The following HDAC4 variants were observed in gnomAD, a reference collection of about 807,000 sequenced individuals.
HDAC4 encodes histone deacetylase A.
In HDAC4, 16 loss-of-function variants were observed where a neutral mutation model predicts 135.1. The observed-to-expected ratio is 0.12, with a 90% CI of 0.08 to 0.18. HDAC4 has a LOEUF of 0.18. Among genes scored for constraint, HDAC4 ranks in the 10% least tolerant of loss-of-function variants. The pLI is 1.00. For missense variants in HDAC4, 1,143 were observed against 1,511.8 expected, an observed-to-expected ratio of 0.76 and a Z score of 4.05; for synonymous variants, 685 against 653.4, an observed-to-expected ratio of 1.05 and a Z score of -0.74.
intron 3 of HDAC4, among the ~76,000 whole-genome samples, chr2:239,219,824 G>A (rs1399119163): frequency 6.6e-6 from 1 of 152,082 alleles, no homozygotes; most frequent in Non-Finnish European, 1.5e-5. Flanking sequence ...AATCTACAAA[G>A]ATGACGGAAC....
chr2:239,235,444 GCTGA>G (rs1385058057), intron 3 of HDAC4, among the ~76,000 whole-genome samples: 2 of 152,234 alleles, frequency 1.3e-5, no homozygotes, highest in Non-Finnish European at 2.9e-5. Flanking sequence ...GGCAGCAAAG[GCTGA>G]CTGTCAAGGA....
At chr2:239,401,293 G>A (rs1696980158), upstream of HDAC4, 1 of 152,292 alleles carries the variant, frequency 6.6e-6, no homozygotes, top group African/African-American at 2.4e-5. Flanking sequence ...CAACCGCGGG[G>A]CCGGATGCCC....
chr2:239,078,202 G>A (rs2034957060), intron 22 of HDAC4, among the ~76,000 whole-genome samples: 1 of 152,206 alleles, frequency 6.6e-6, no homozygotes, highest in Admixed American at 6.5e-5. Flanking sequence ...GCCGCGTCTG[G>A]CACCGGGACT....
intron 16 of HDAC4, among the ~76,000 whole-genome samples, chr2:239,102,377 T>C (rs759641956): frequency 6.6e-6 from 1 of 152,220 alleles, no homozygotes; most frequent in African/African-American, 2.4e-5. Flanking sequence ...CAGCAGCCTT[T>C]CACCCCTAAG....
chr2:239,101,400 G>A (rs2037617710), intron 16 of HDAC4, among the ~76,000 whole-genome samples: 1 of 152,190 alleles, frequency 6.6e-6, no homozygotes, highest in Non-Finnish European at 1.5e-5. Context: ...ACGCATGAAG[G>A]ACTAGGAGTG....
At chr2:239,325,409 G>C (rs1172289994) in intron 2 of HDAC4, among the ~76,000 whole-genome samples, 1 of 152,138 alleles carries the variant, frequency 6.6e-6, no homozygotes, top group Non-Finnish European at 1.5e-5. Context: ...ATGGGCAAAA[G>C]ACGTGAAGAG....
intron 2 of HDAC4, among the ~76,000 whole-genome samples, chr2:239,253,277 C>A (rs1691872597): frequency 6.6e-6 from 1 of 152,176 alleles, no homozygotes; most frequent in African/African-American, 2.4e-5. Flanking sequence ...TAATCTAAAG[C>A]AAATTTCTTT....
At chr2:239,168,907 C>T (rs547550680) in intron 5 of HDAC4, among the ~76,000 whole-genome samples, 3 of 152,188 alleles carry the variant, frequency 2.0e-5, no homozygotes, top group African/African-American at 4.8e-5. Context: ...GGGACGGCCG[C>T]CTGTGACGGG....
intron 3 of HDAC4, among the ~76,000 whole-genome samples, chr2:239,196,141 C>T (rs1214468225): frequency 6.6e-6 from 1 of 151,640 alleles, no homozygotes; most frequent in East Asian, 1.9e-4. Flanking sequence ...TGATATTTTG[C>T]CTCTATGTGG....
rs1206000330 is a variant in HDAC4, at chr2:239,048,364, AAAAG to A, written c.*4729_*4732del. On this transcript the variant is annotated 3_prime_UTR_variant, in exon 27 of 27. Coordinates refer to ENST00000543185, the MANE Select transcript of HDAC4 (RefSeq NM_001378414.1). ...CACAAAACCTCCAACTCCACTGAGC[AAAAG>A]AAAGAACCATCGGGCACGTCCAGAC... 6.6e-6 allele frequency: 1 copy of A among 152,302 alleles called. No individual in the cohort carries two copies. The highest frequency in any genetic ancestry group is 1.5e-5 in the Non-Finnish European group (1 of 68,070). 9.4% of individuals were successfully genotyped at this position (152,302 alleles called of 1,614,324 possible). A position where few individuals can be genotyped will look rare whatever the true frequency, so the allele number is the denominator to read the frequency against.
chr2:239,138,647 G>A lies in HDAC4; in HGVS notation c.978+1037C>T, dbSNP rs149520216. On this transcript the variant is annotated intron_variant, in intron 9 of 26. Coordinates refer to ENST00000543185, the MANE Select transcript of HDAC4 (RefSeq NM_001378414.1). ...GCAGTCAGGCCCACCCAGGCCCAGG[G>A]CACCACTCAGCCTGCGGGACTGCCT... Among the ~76,000 whole-genome samples, 424 of 152,234 alleles carry A rather than the reference G, an allele frequency of 2.8e-3. 1 individual carries two copies. The highest frequency in any genetic ancestry group is 9.6e-3 in the African/African-American group (397 of 41,536).
intron 14 of HDAC4, 92 bp downstream of exon 14, chr2:239,111,434 G>T: frequency 7.6e-7 from 1 of 1,320,966 alleles, no homozygotes; most frequent in Non-Finnish European, 1.1e-6. Flanking sequence ...CCCCTCCTCA[G>T]CCTCTGCAGA....
chr2:239,189,560 A>C (rs2044770323), intron 4 of HDAC4, among the ~76,000 whole-genome samples: 1 of 152,238 alleles, frequency 6.6e-6, no homozygotes, highest in South Asian at 2.1e-4. Flanking sequence ...GTTTCGGATG[A>C]AATTAGGCGA....
At chr2:239,176,645 G>T in intron 4 of HDAC4, 82 bp from the exon 5 acceptor site, 2 of 1,342,102 alleles carry the variant, frequency 1.5e-6, no homozygotes, top group Non-Finnish European at 1.0e-6. Flanking sequence ...CAAGAAACCA[G>T]CCCAGGCCCT....
At chr2:239,123,664 G>A (rs150032057) in intron 12 of HDAC4, among the ~76,000 whole-genome samples, 250 of 152,332 alleles carry the variant, frequency 1.6e-3, no homozygotes, top group Non-Finnish European at 2.6e-3. Flanking sequence ...TGACCACTGC[G>A]CCAGGGCTGA....
Position 239,267,505 on chromosome 2 carries a change from A to G in HDAC4, c.23-30841T>C, listed in dbSNP as rs529199152. 1.6e-4 allele frequency among the ~76,000 whole-genome samples: 24 copies of G among 152,340 alleles called. No homozygotes were observed. The South Asian group carries it at 5.0e-3, about 32-fold the overall frequency. Reference sequence around the variant, plus strand: ...TGAGGACGTGCTGAAGGCAGCAAAAATCTACAACTGTTCCCGGAAGGGCTT... The same window carrying G: ...TGAGGACGTGCTGAAGGCAGCAAAAGTCTACAACTGTTCCCGGAAGGGCTT... On this transcript the variant is annotated intron_variant, in intron 2 of 26. Coordinates refer to ENST00000543185, the MANE Select transcript of HDAC4 (RefSeq NM_001378414.1).
At chr2:239,138,857 G>A (rs1187148207) in intron 9 of HDAC4, among the ~76,000 whole-genome samples, 4 of 152,220 alleles carry the variant, frequency 2.6e-5, no homozygotes, top group Admixed American at 1.3e-4. Flanking sequence ...AACACGGAGC[G>A]AGGTCCTCGG....
chr2:239,308,181 C>A lies in HDAC4; in HGVS notation c.22+44497G>T, dbSNP rs562752682. 2.0e-5 allele frequency among the ~76,000 whole-genome samples: 3 copies of A among 152,220 alleles called. No individual in the cohort carries two copies. The highest frequency in any genetic ancestry group is 4.8e-5 in the African/African-American group (2 of 41,534). The stretch of plus-strand genomic sequence containing the variant: ...TCATCTGTGAGATGGGGGTGGTCAG[C>A]GTGCAGGAAGCCCTCCTTGACGATG... On this transcript the variant is annotated intron_variant, in intron 2 of 26. Coordinates refer to ENST00000543185, the MANE Select transcript of HDAC4 (RefSeq NM_001378414.1). The surrounding 1 kb of genome is among the most constrained non-coding windows in gnomAD (Gnocchi z 4.2).
chr2:239,133,605 T>C (rs1043788940), intron 11 of HDAC4, among the ~76,000 whole-genome samples: 2 of 152,172 alleles, frequency 1.3e-5, no homozygotes, highest in African/African-American at 4.8e-5. Flanking sequence ...TAGCTGGGAT[T>C]ACAGGTGTGC....
Sources: gnomAD v4.1 joint callset for allele counts (sites outside exome capture counted in the v4.1 genomes callset) on GRCh38, gnomAD v4.1.1 for gene constraint, Gnocchi (gnomAD v3.1) non-coding constraint, MANE v1.5 for transcripts, NCBI Gene and HGNC (gene_info 2026-07-23, HGNC 2026-07-21) for gene names.